CACNG3: variants seen among roughly 807,000 people sequenced by gnomAD.
CACNG3 encodes voltage-dependent calcium channel gamma-3 subunit.
CACNG3 carries 3 observed loss-of-function variants against 28.5 expected under a neutral mutation model. That is an observed-to-expected ratio of 0.11 (90% CI 0.05 to 0.27). The LOEUF is 0.27. Among genes scored for constraint, CACNG3 ranks in the 10% least tolerant of loss-of-function variants. The pLI, the probability that CACNG3 is intolerant of heterozygous loss-of-function variation, is 1.00. For synonymous variants in CACNG3, 174 were observed against 162.2 expected, an observed-to-expected ratio of 1.07 and a Z score of -0.55; for missense variants, 236 against 414.4, an observed-to-expected ratio of 0.57 and a Z score of 3.74.
chr16:24,272,220 A>C (rs1898700143), intron 1 of CACNG3, among the ~76,000 whole-genome samples: 2 of 151,968 alleles, frequency 1.3e-5, no homozygotes, highest in African/African-American at 4.8e-5. Flanking sequence ...AACACTTTTT[A>C]TAATATGAAA....
intron 1 of CACNG3, among the ~76,000 whole-genome samples, chr16:24,283,166 A>T (rs953701939): frequency 6.6e-6 from 1 of 152,114 alleles, no homozygotes; most frequent in Non-Finnish European, 1.5e-5. Flanking sequence ...CTTCTCTGCT[A>T]TCCTTCTTTA....
chr16:24,277,546 G>A (rs1466136436), intron 1 of CACNG3, among the ~76,000 whole-genome samples: 1 of 152,156 alleles, frequency 6.6e-6, no homozygotes, highest in African/African-American at 2.4e-5. Context: ...AGGCCGAGGT[G>A]CGCGGATCAC....
chr16:24,268,253 G>C (rs563739972), intron 1 of CACNG3, among the ~76,000 whole-genome samples: 11 of 152,176 alleles, frequency 7.2e-5, no homozygotes, highest in South Asian at 4.1e-4. Flanking sequence ...TGATAGCCCT[G>C]TCTACTACTA....
intron 1 of CACNG3, among the ~76,000 whole-genome samples, chr16:24,293,410 G>C (rs1898990917): frequency 6.6e-6 from 1 of 152,020 alleles, no homozygotes; most frequent in Admixed American, 6.6e-5. Flanking sequence ...GCACAGACTT[G>C]GGAGCCACAC....
intron 1 of CACNG3, among the ~76,000 whole-genome samples, chr16:24,274,817 C>T (rs914407713): frequency 2.0e-5 from 3 of 152,244 alleles, no homozygotes; most frequent in East Asian, 1.9e-4. Context: ...CCAAGAGCCT[C>T]GTGGGACGTT....
intron 1 of CACNG3, among the ~76,000 whole-genome samples, chr16:24,322,497 G>A (rs908911608): frequency 1.1e-4 from 16 of 151,716 alleles, no homozygotes; most frequent in African/African-American, 2.9e-4. Context: ...TACAAATCTC[G>A]TGCCAGGCAG....
At chr16:24,315,315 G>C (rs1248371688) in intron 1 of CACNG3, among the ~76,000 whole-genome samples, 1 of 151,900 alleles carries the variant, frequency 6.6e-6, no homozygotes. Flanking sequence ...TCCTAGGAAG[G>C]GATGTTTGGA....
chr16:24,342,388 C>G (rs902467865), intron 1 of CACNG3, among the ~76,000 whole-genome samples: 1 of 152,102 alleles, frequency 6.6e-6, no homozygotes, highest in African/African-American at 2.4e-5. Flanking sequence ...CAAAATGAAA[C>G]AGTCTGCAAC....
At chr16:24,282,276 C>T (rs891054659) in intron 1 of CACNG3, among the ~76,000 whole-genome samples, 1 of 152,126 alleles carries the variant, frequency 6.6e-6, no homozygotes, top group Admixed American at 6.6e-5. Flanking sequence ...CTTTTCTAGT[C>T]ATGCAGTAAT....
At chr16:24,339,073 G>A (rs1899747411) in intron 1 of CACNG3, among the ~76,000 whole-genome samples, 1 of 151,990 alleles carries the variant, frequency 6.6e-6, no homozygotes, top group South Asian at 2.1e-4. Flanking sequence ...GTTATCAGGT[G>A]AGAGAATTTT....
chr16:24,264,021 C>T (rs1427221999), intron 1 of CACNG3, among the ~76,000 whole-genome samples: 1 of 152,208 alleles, frequency 6.6e-6, no homozygotes, highest in African/African-American at 2.4e-5. Context: ...TTGGAGGGAA[C>T]AACAGAGCTA....
chr16:24,361,823 T>C lies in CACNG3; in HGVS notation c.908T>C (p.Leu303Pro), dbSNP rs1567227891. 1 of 1,613,008 alleles carries C rather than the reference T, an allele frequency of 6.2e-7. No homozygotes were observed. Residue 303 changes from leucine (L) to proline (P), a missense_variant, in exon 4 of 4, where the codon CTG (leucine) becomes CCG (proline). Leu to Pro is a moderately conservative substitution (Grantham distance 98, BLOSUM62 -3). Around this residue, in one of 2 missense-constraint regions of CACNG3, gnomAD observed 116 missense variants for 151.0 expected, o/e 0.77. Coordinates refer to ENST00000005284, the MANE Select transcript of CACNG3 (RefSeq NM_006539.4). This position sits in a 1 kb window ranked among gnomAD's most constrained non-coding sequence, Gnocchi z 6.8. ...NSTPKEFKES[L>P]HNNPANRRTT... ...ACACCCAAAGAGTTCAAAGAGTCAC[T>C]GCATAATAATCCGGCCAACAGGCGC...
chr16:24,281,001 A>G (rs1363704633), intron 1 of CACNG3, among the ~76,000 whole-genome samples: 2 of 152,078 alleles, frequency 1.3e-5, no homozygotes, highest in Non-Finnish European at 2.9e-5. Flanking sequence ...AGAGAGAAAA[A>G]GCCCTATTGC....
chr16:24,286,433 CATAT>C (rs869264438), intron 1 of CACNG3, among the ~76,000 whole-genome samples: 7 of 61,244 alleles, frequency 1.1e-4, no homozygotes, highest in African/African-American at 2.0e-4. Context: ...CACACACACA[CATAT>C]ATATATATCA....
chr16:24,360,018 C>T (rs1900084799), intron 3 of CACNG3, among the ~76,000 whole-genome samples: 1 of 152,150 alleles, frequency 6.6e-6, no homozygotes, highest in African/African-American at 2.4e-5. Flanking sequence ...CTTGGGGATG[C>T]CCACAAAGAG....
intron 1 of CACNG3, among the ~76,000 whole-genome samples, chr16:24,343,800 G>T (rs78318558): frequency 0.13 from 20,176 of 152,046 alleles, 1,763 homozygotes; most frequent in Non-Finnish European, 0.18. Flanking sequence ...ATAACATTAG[G>T]CATCTCAGGC....
chr16:24,302,085 C>T (rs562967404), intron 1 of CACNG3, among the ~76,000 whole-genome samples: 12 of 152,316 alleles, frequency 7.9e-5, no homozygotes, highest in Admixed American at 3.3e-4. Flanking sequence ...GCTCAGAACC[C>T]GTAGGGCCTT....
At chr16:24,321,442 A>AAAAC (rs1408705261) in intron 1 of CACNG3, among the ~76,000 whole-genome samples, 2 of 152,164 alleles carry the variant, frequency 1.3e-5, no homozygotes, top group East Asian at 3.8e-4. Flanking sequence ...CTCTGGCTCA[A>AAAAC]AAATAAATAA....
intron 1 of CACNG3, among the ~76,000 whole-genome samples, chr16:24,328,737 C>T (rs1899592688): frequency 6.6e-6 from 1 of 152,174 alleles, no homozygotes; most frequent in African/African-American, 2.4e-5. Flanking sequence ...GCAGAAAGAG[C>T]ATCAGCTGCA....
Sources: allele counts gnomAD v4.1 joint callset (sites outside exome capture counted in the v4.1 genomes callset), GRCh38; gene constraint gnomAD v4.1.1; regional missense constraint gnomAD v4.1.1; non-coding constraint Gnocchi (gnomAD v3.1); transcripts MANE v1.5; gene names NCBI Gene and HGNC (gene_info 2026-07-23, HGNC 2026-07-21).